The following ARHGAP4 variants were observed in gnomAD, a reference collection of about 807,000 sequenced individuals.
The protein encoded by ARHGAP4 is rho GTPase-activating protein 4.
In ARHGAP4, 25 loss-of-function variants were observed where a neutral mutation model predicts 67.6. The observed-to-expected ratio is 0.37, with a 90% CI of 0.27 to 0.52. The LOEUF (loss-of-function observed/expected upper bound fraction) is 0.52. ARHGAP4 is among the 20% of genes least tolerant of loss of function. The pLI, the probability that ARHGAP4 is intolerant of heterozygous loss-of-function variation, is 0.92. For synonymous variants in ARHGAP4, 448 were observed against 373.7 expected (o/e 1.20, Z -2.29); for missense variants, 804 against 854.6 (o/e 0.94, Z 0.74).
intron 5 of ARHGAP4, chrX:153,919,654 G>A (rs1179982243): frequency 1.7e-6 from 2 of 1,165,319 alleles, no homozygotes; most frequent in South Asian, 1.9e-5. Flanking sequence ...GTGCACAGCT[G>A]GAAGCGGCCA....
intron 12 of ARHGAP4, among the ~76,000 whole-genome samples, chrX:153,912,478 A>G (rs782447453): frequency 5.6e-4 from 63 of 112,098 alleles, no homozygotes; most frequent in African/African-American, 1.9e-3. Flanking sequence ...CAGGTTTTCT[A>G]TACGTTCCCA....
At chrX:153,917,941 G>C (rs932056312) in intron 7 of ARHGAP4, among the ~76,000 whole-genome samples, 2 of 112,294 alleles carry the variant, frequency 1.8e-5, no homozygotes, top group Non-Finnish European at 3.8e-5. Context: ...GGAGGGCGCA[G>C]AGGAGAAGGT....
chrX:153,913,653 C>G, intron 8 of ARHGAP4, 53 bp from the exon 9 acceptor site: 1 of 1,174,568 alleles, frequency 8.5e-7, no homozygotes. Context: ...GGGAGGGAGA[C>G]AGGAAGTCCA....
chrX:153,919,194 G>A lies in ARHGAP4; in HGVS notation c.771C>T (p.Val257=). Residue 257 remains valine (V), a synonymous_variant, in exon 6 of 22, where the codon GTC becomes GTT. Coordinates refer to ENST00000350060, the MANE Select transcript of ARHGAP4 (RefSeq NM_001666.5). The stretch of plus-strand genomic sequence containing the variant: ...AGACGTCATGCAGGTAGTAGTTACT[G>A]ACAGCAGCGTTGACACTAGCCAGGC... ...LLSLASVNAA[V]SNYYLHDVLD... 1.6e-6 allele frequency: 2 copies of A among 1,212,251 alleles called. No homozygotes were observed.
chrX:153,926,229 C>T lies in ARHGAP4; in HGVS notation c.-27G>A, dbSNP rs782597567. The stretch of plus-strand genomic sequence containing the variant: ...GCGGCCTCGCGGCCGCGCCGTCGAA[C>T]CCCACTGCTCCCACGCGGCCGTGAG... On this transcript the variant is annotated 5_prime_UTR_variant, in exon 1 of 22. Transcript: ENST00000350060. 8.7e-7 allele frequency: 1 copy of T among 1,146,952 alleles called. No homozygotes were observed. Among genetic ancestry groups the T allele is most frequent in the Admixed American group, 2.5e-5 (1 of 39,478 alleles). The allele number at this position is 1,146,952 out of a possible 1,213,427, so 94.5% of individuals were successfully genotyped here.
chrX:153,918,730 G>T, intron 7 of ARHGAP4, 102 bp downstream of exon 7: 1 of 891,133 alleles, frequency 1.1e-6, no homozygotes, highest in South Asian at 2.3e-5. Context: ...TGAGACCATG[G>T]AGAACTTGGA....
At position 153,907,938 on chromosome X, in the gene ARHGAP4, C is replaced by G; in HGVS notation, c.2632G>C (p.Val878Leu). The change falls in exon 22 of 22, where the codon GTG (valine) becomes CTG (leucine). Residue 878 changes from valine (V) to leucine (L), a missense_variant. Physicochemically the swap from Val to Leu is conservative, Grantham distance 32. Coordinates refer to ENST00000350060, the MANE Select transcript of ARHGAP4 (RefSeq NM_001666.5). ...GTCTTTCCCAAGAGCTCCTTAAACA[C>G]AGAGTCCATGTTCTGTGCCACAGCC... is the stretch of plus-strand genomic sequence containing the variant. ...DKAVAQNMDS[V>L]FKELLGKTSV... 1 of 1,101,124 alleles carries G rather than the reference C, an allele frequency of 9.1e-7. No individual in the cohort carries two copies. 90.7% of individuals were successfully genotyped at this position (1,101,124 alleles called of 1,213,427 possible).
chrX:153,920,322 C>T, intron 5 of ARHGAP4: 1 of 322,150 alleles, frequency 3.1e-6, no homozygotes, highest in Non-Finnish European at 5.4e-6. Context: ...CACCCCATCA[C>T]CCACCCTAAG....
chrX:153,916,221 T>C (rs1431698781), intron 7 of ARHGAP4, among the ~76,000 whole-genome samples: 4 of 112,971 alleles, frequency 3.5e-5, no homozygotes, highest in African/African-American at 1.3e-4. Context: ...TCACTGTCTC[T>C]TTCTAGATAA....
intron 1 of ARHGAP4, chrX:153,922,186 G>A (rs922658297): frequency 5.5e-5 from 47 of 859,311 alleles, no homozygotes; most frequent in Non-Finnish European, 6.4e-5. Flanking sequence ...TTTCCCCTGC[G>A]ACTTCCTTTC....
intron 7 of ARHGAP4, among the ~76,000 whole-genome samples, chrX:153,915,062 C>T (rs151106824): frequency 2.7e-5 from 3 of 112,259 alleles, no homozygotes; most frequent in Non-Finnish European, 3.8e-5. Context: ...AAAGTAAGGC[C>T]ATTTTGAGAT....
At position 153,920,811 on chromosome X, in the gene ARHGAP4, G is replaced by A. The variant is rs1557105096; in HGVS notation, c.499-3C>T. The A allele has an allele frequency of 1.7e-6, 2 of 1,211,839 alleles. No homozygotes were observed. The highest frequency in any genetic ancestry group is 2.2e-6 in the Non-Finnish European group (2 of 895,352). On this transcript the variant is annotated splice_polypyrimidine_tract_variant and splice_region_variant and intron_variant, in intron 4 of 21. Transcript: ENST00000350060. ...TATGCCTGGTACGTCTTCTTGGCCTGCAGGGAGACCCAAAGCAAGGTGGTG... is the reference window on the plus strand; with the variant it reads ...TATGCCTGGTACGTCTTCTTGGCCTACAGGGAGACCCAAAGCAAGGTGGTG...
intron 14 of ARHGAP4, 27 bp downstream of exon 14, chrX:153,910,895 A>ACCCCCCCCCCCCCCCCC: frequency 2.1e-6 from 1 of 472,494 alleles, no homozygotes; most frequent in Non-Finnish European, 2.9e-6. Flanking sequence ...CCGAGCCCCC[A>ACCCCCCCCCCCCCCCCC]CCCCCGCCCG....
Position 153,926,193 on chromosome X carries a change from G to A in ARHGAP4, c.10C>T (p.His4Tyr), listed in dbSNP as rs371218237. Reference protein sequence around the residue: MAAHGKLRRERGLQ... With the variant: MAAYGKLRRERGLQ... ...CCCCGCTCCCGCCGCAGCTTCCCGT[G>A]AGCGGCCATGGCGGCCTCGCGGCCG... The change falls in exon 1 of 22, where the codon CAC (histidine) becomes TAC (tyrosine). Residue 4 changes from histidine to tyrosine, a missense_variant. By Grantham distance (83) the His-to-Tyr change is moderately conservative. This residue lies in a region of ARHGAP4 where 404 missense variants were observed against 505.9 expected (regional missense o/e 0.80). Coordinates refer to ENST00000350060, the MANE Select transcript of ARHGAP4 (RefSeq NM_001666.5). 97 of 1,199,838 alleles carry A rather than the reference G, an allele frequency of 8.1e-5. No homozygotes were observed. The highest frequency in any genetic ancestry group is 9.4e-5 in the Non-Finnish European group (84 of 890,086).
intron 20 of ARHGAP4, 131 bp from the exon 21 acceptor site, chrX:153,909,300 C>G (rs1557102072): frequency 3.5e-6 from 3 of 862,308 alleles, no homozygotes; most frequent in Non-Finnish European, 4.8e-6. Context: ...TCCTCTAGAG[C>G]CTCTCCCTGT....
At chrX:153,922,536 C>T in intron 1 of ARHGAP4, 1 of 497,777 alleles carries the variant, frequency 2.0e-6, no homozygotes. Context: ...GGCCTTTTGA[C>T]ACCCTATCAC....
At chrX:153,909,957 G>C (rs146242010) in intron 18 of ARHGAP4, 33 bp from the exon 19 acceptor site, 1 of 1,209,204 alleles carries the variant, frequency 8.3e-7, no homozygotes, top group Non-Finnish European at 1.1e-6. Flanking sequence ...GCTGTGGGAG[G>C]GGGTGTGGAC....
intron 1 of ARHGAP4, among the ~76,000 whole-genome samples, chrX:153,925,643 C>T (rs1217648832): frequency 8.9e-6 from 1 of 112,438 alleles, no homozygotes; most frequent in East Asian, 2.8e-4. Context: ...CAGTGGCCCT[C>T]GCCTCTGCTC....
At chrX:153,920,571 C>G in intron 5 of ARHGAP4, 55 bp downstream of exon 5, 1 of 1,126,107 alleles carries the variant, frequency 8.9e-7, no homozygotes, top group Non-Finnish European at 1.2e-6. Flanking sequence ...CACAGCAGGT[C>G]CTAGTTAGGG....
Sources: gnomAD v4.1 joint callset for allele counts (sites outside exome capture counted in the v4.1 genomes callset) on GRCh38, gnomAD v4.1.1 for gene constraint, gnomAD v4.1.1 regional missense constraint, MANE v1.5 for transcripts, NCBI Gene and HGNC (gene_info 2026-07-23, HGNC 2026-07-21) for gene names.